The following XKR9 variants were observed in gnomAD, a reference collection of about 807,000 sequenced individuals.
XKR9 encodes the protein XK related 9, also known as XK-related protein 9.
A neutral mutation model predicts 32.0 loss-of-function variants in XKR9; 32 were observed. That is an observed-to-expected ratio of 1.00 (90% CI 0.76 to 1.34). The LOEUF (loss-of-function observed/expected upper bound fraction) is 1.34, where lower values mean the gene tolerates loss of function less well. Ranked by LOEUF, XKR9 falls within the 40% of genes most tolerant of loss-of-function variation. The probability of loss-of-function intolerance (pLI) is 0.00; values close to 1 mark genes in which losing one functional copy is unlikely to be tolerated. For missense variants in XKR9, 546 were observed against 429.7 expected, an observed-to-expected ratio of 1.27 and a Z score of -2.39; for synonymous variants, 168 against 143.4, an observed-to-expected ratio of 1.17 and a Z score of -1.22.
chr8:71,002,054 C>A, the XKR9 span, among the ~76,000 whole-genome samples: 1 of 152,026 alleles, frequency 6.6e-6, no homozygotes, highest in Admixed American at 6.6e-5. Flanking sequence ...TGTTTAAGTA[C>A]AAATGATATG....
intron 2 of XKR9, among the ~76,000 whole-genome samples, chr8:70,677,249 G>A (rs117038378): frequency 6.8e-6 from 1 of 147,322 alleles, no homozygotes; most frequent in African/African-American, 2.4e-5. Context: ...GGGCTTAAAT[G>A]ATCCTCCCAC....
chr8:70,907,931 G>T, the XKR9 span, among the ~76,000 whole-genome samples: 1 of 152,136 alleles, frequency 6.6e-6, no homozygotes, highest in Non-Finnish European at 1.5e-5. Context: ...AAATTATTTT[G>T]TTTCAGAAAA....
chr8:70,962,280 T>C, the XKR9 span, among the ~76,000 whole-genome samples: 1 of 152,178 alleles, frequency 6.6e-6, no homozygotes, highest in African/African-American at 2.4e-5. Flanking sequence ...TACTGGGTTA[T>C]ATTATGTGAT....
chr8:71,056,889 A>C, the XKR9 span, among the ~76,000 whole-genome samples: 21 of 152,328 alleles, frequency 1.4e-4, no homozygotes, highest in Middle Eastern at 3.4e-3. Flanking sequence ...GATTTCCCCA[A>C]TTATGCATTT....
intron 2 of XKR9, among the ~76,000 whole-genome samples, chr8:70,771,740 A>T (rs559873220): frequency 6.6e-6 from 1 of 152,164 alleles, no homozygotes; most frequent in Non-Finnish European, 1.5e-5. Flanking sequence ...AACTCTGTCC[A>T]CTAATGATAT....
the XKR9 span, among the ~76,000 whole-genome samples, chr8:70,871,467 T>C: frequency 1.3e-5 from 2 of 152,204 alleles, no homozygotes; most frequent in Non-Finnish European, 2.9e-5. Context: ...GAAATTCTCA[T>C]AATATTTCAA....
the XKR9 span, among the ~76,000 whole-genome samples, chr8:70,806,128 G>A: frequency 6.6e-6 from 1 of 152,066 alleles, no homozygotes; most frequent in Non-Finnish European, 1.5e-5. Flanking sequence ...AGATGAATGG[G>A]GCCTGAAGTG....
chr8:71,052,773 G>T, the XKR9 span, among the ~76,000 whole-genome samples: 35 of 152,296 alleles, frequency 2.3e-4, no homozygotes, highest in African/African-American at 8.4e-4. Flanking sequence ...TGGTCATCCC[G>T]CAGATTGCGC....
At chr8:70,683,542 C>T (rs948246527) in intron 3 of XKR9, 22 of 451,862 alleles carry the variant, frequency 4.9e-5, no homozygotes, top group African/African-American at 3.6e-4. Context: ...GGCTGGCCTG[C>T]AGTGGCGCCT....
chr8:71,008,144 T>G, the XKR9 span, among the ~76,000 whole-genome samples: 11 of 152,256 alleles, frequency 7.2e-5, no homozygotes, highest in East Asian at 1.9e-4. Context: ...AAAGAATTTT[T>G]GGGGGTAAGG....
At chr8:70,874,284 T>C in the XKR9 span, among the ~76,000 whole-genome samples, 3 of 152,108 alleles carry the variant, frequency 2.0e-5, no homozygotes, top group Non-Finnish European at 4.4e-5. Context: ...GTAAATAACG[T>C]ATGAAGGTTA....
At chr8:70,772,956 T>C (rs1007046285) in intron 2 of XKR9, among the ~76,000 whole-genome samples, 6 of 152,208 alleles carry the variant, frequency 3.9e-5, no homozygotes, top group African/African-American at 1.4e-4. Flanking sequence ...ATCTTTAAAA[T>C]GCTATGTCCA....
intron 3 of XKR9, among the ~76,000 whole-genome samples, chr8:70,698,154 T>A (rs1235812057): frequency 6.6e-6 from 1 of 152,190 alleles, no homozygotes; most frequent in African/African-American, 2.4e-5. Flanking sequence ...TTCATTAATT[T>A]TTTGAAGGTT....
intron 2 of XKR9, among the ~76,000 whole-genome samples, chr8:70,782,443 T>A (rs1807629575): frequency 6.6e-6 from 1 of 152,042 alleles, no homozygotes; most frequent in Non-Finnish European, 1.5e-5. Flanking sequence ...TTTAGAAATG[T>A]ACATTACTCT....
intron 1 of XKR9, among the ~76,000 whole-genome samples, chr8:70,674,197 TAGAAG>T (rs1818813576): frequency 6.6e-6 from 1 of 151,940 alleles, no homozygotes; most frequent in Non-Finnish European, 1.5e-5. Flanking sequence ...GGGTAAATAC[TAGAAG>T]AGAAGTACAG....
intron 4 of XKR9, among the ~76,000 whole-genome samples, chr8:70,730,123 T>C (rs557259062): frequency 1.3e-5 from 2 of 152,278 alleles, no homozygotes; most frequent in African/African-American, 4.8e-5. Context: ...CCAATGGAGA[T>C]AGCATGAGGC....
intron 3 of XKR9, among the ~76,000 whole-genome samples, chr8:70,702,911 A>T (rs951651640): frequency 1.3e-5 from 2 of 152,154 alleles, no homozygotes; most frequent in African/African-American, 4.8e-5. Context: ...AATTATTGAT[A>T]TGGTTGTTTT....
At chr8:70,699,200 T>G (rs558706750) in intron 3 of XKR9, among the ~76,000 whole-genome samples, 1 of 152,346 alleles carries the variant, frequency 6.6e-6, no homozygotes, top group African/African-American at 2.4e-5. Context: ...TTAATATTGT[T>G]GTGTGTGAAT....
chr8:70,755,715 C>A (rs548220857), intron 2 of XKR9, among the ~76,000 whole-genome samples: 2 of 146,330 alleles, frequency 1.4e-5, no homozygotes, highest in Non-Finnish European at 3.0e-5. Context: ...ATAATGAGAA[C>A]CCATGGACAC....
Sources: gnomAD v4.1 joint callset for allele counts (sites outside exome capture counted in the v4.1 genomes callset) on GRCh38, gnomAD v4.1.1 for gene constraint, MANE v1.5 for transcripts, NCBI Gene and HGNC (gene_info 2026-07-23, HGNC 2026-07-21) for gene names.